The following FBXO34 variants were observed in gnomAD, a reference collection of about 807,000 sequenced individuals.
The protein encoded by FBXO34 is F-box only protein 34.
Under a neutral mutation model 24.5 loss-of-function variants are expected in FBXO34, and 12 were observed. That is an observed-to-expected ratio of 0.49 (90% CI 0.31 to 0.79). The LOEUF (loss-of-function observed/expected upper bound fraction) is 0.79, where lower values mean the gene tolerates loss of function less well. Ranked by LOEUF, FBXO34 falls within the 30% of genes least tolerant of loss-of-function variation. The pLI is 0.04. For synonymous variants in FBXO34, 320 were observed against 311.9 expected (o/e 1.03, Z -0.27); for missense variants, 823 against 857.7 (o/e 0.96, Z 0.51).
At chr14:55,419,270 G>T in the FBXO34 span, among the ~76,000 whole-genome samples, 1 of 152,218 alleles carries the variant, frequency 6.6e-6, no homozygotes, top group East Asian at 1.9e-4. Flanking sequence ...CCATTTTACA[G>T]GTGAGGAAAC....
At chr14:55,437,093 T>C in the FBXO34 span, 33 of 1,325,366 alleles carry the variant, frequency 2.5e-5, 1 homozygote, top group South Asian at 3.1e-4. Context: ...GATGTCACTA[T>C]GGCAGGCAGG....
intron 1 of FBXO34, chr14:55,271,977 C>T (rs911363107): frequency 2.6e-5 from 4 of 152,238 alleles, no homozygotes; most frequent in Non-Finnish European, 5.9e-5. Context: ...TTCCCTGCCC[C>T]AGCGCAGGTG....
chr14:55,289,644 T>G (rs1881876558), intron 1 of FBXO34, among the ~76,000 whole-genome samples: 1 of 152,152 alleles, frequency 6.6e-6, no homozygotes, highest in Non-Finnish European at 1.5e-5. Flanking sequence ...CAAGAAATCC[T>G]CCCACCTCAG....
Position 55,337,604 on chromosome 14 carries a change from A to G in FBXO34, c.-10-12777A>G, listed in dbSNP as rs192190600. 1.4e-4 allele frequency among the ~76,000 whole-genome samples: 21 copies of G among 152,398 alleles called. No homozygotes were observed. The East Asian group carries it at 3.7e-3, about 27-fold the overall frequency. On this transcript the variant is annotated intron_variant, in intron 1 of 1. Coordinates refer to ENST00000313833, the MANE Select transcript of FBXO34 (RefSeq NM_017943.4). ...TACAGATTTGGAAATGAAAAGACTAAGGAATTGATGCATCTCTCTCAAATG... is the reference window on the plus strand; with the variant it reads ...TACAGATTTGGAAATGAAAAGACTAGGGAATTGATGCATCTCTCTCAAATG...
At chr14:55,412,710 T>C in the FBXO34 span, among the ~76,000 whole-genome samples, 2 of 152,222 alleles carry the variant, frequency 1.3e-5, no homozygotes, top group South Asian at 2.1e-4. Flanking sequence ...GGCTATCTAC[T>C]GATAAACTGC....
intron 1 of FBXO34, among the ~76,000 whole-genome samples, chr14:55,313,870 T>C (rs866050196): frequency 6.6e-6 from 1 of 152,140 alleles, no homozygotes; most frequent in Admixed American, 6.5e-5. Context: ...GAGATTTGGC[T>C]GGGGACACAA....
intron 1 of FBXO34, among the ~76,000 whole-genome samples, chr14:55,348,501 C>T (rs1884233875): frequency 6.6e-6 from 1 of 152,088 alleles, no homozygotes; most frequent in Non-Finnish European, 1.5e-5. Context: ...TCGTTTGCTC[C>T]ACATTTACTG....
chr14:55,283,488 A>G (rs959805112), intron 1 of FBXO34, among the ~76,000 whole-genome samples: 7 of 141,934 alleles, frequency 4.9e-5, no homozygotes, highest in African/African-American at 1.9e-4. Flanking sequence ...TTTTTTTGAG[A>G]CAGTCTCACT....
intron 1 of FBXO34, among the ~76,000 whole-genome samples, chr14:55,326,270 C>A (rs989670271): frequency 6.6e-6 from 1 of 152,196 alleles, no homozygotes. Flanking sequence ...TCCCCTTTCT[C>A]CCCATTCACA....
chr14:55,342,907 G>T (rs1884037665), intron 1 of FBXO34, among the ~76,000 whole-genome samples: 1 of 152,074 alleles, frequency 6.6e-6, no homozygotes. Flanking sequence ...CCTTCATAGT[G>T]GGGAAAGTAT....
chr14:55,440,320 G>C, the FBXO34 span: 2 of 1,558,298 alleles, frequency 1.3e-6, no homozygotes, highest in East Asian at 4.5e-5. Flanking sequence ...GTTTTAAGAG[G>C]AACGAAGGCA....
downstream of FBXO34, chr14:55,369,723 TGCTCTGACTCTGGGA>T: frequency 6.2e-7 from 1 of 1,612,668 alleles, no homozygotes; most frequent in Non-Finnish European, 8.5e-7. Context: ...GACGCCTGGG[TGCTCTGACTCTGGGA>T]GACTTCCACA....
In FBXO34 at chr14:55,311,555, G is replaced by A. The variant is rs187417751; in HGVS notation, c.-10-38826G>A. 5.9e-4 allele frequency among the ~76,000 whole-genome samples: 90 copies of A among 152,210 alleles called. 2 individuals carry two copies. In the East Asian group the frequency reaches 0.015, roughly 26 times the overall value. On this transcript the variant is annotated intron_variant, in intron 1 of 1. Coordinates refer to ENST00000313833, the MANE Select transcript of FBXO34 (RefSeq NM_017943.4). Reference sequence around the variant, plus strand: ...AGATGAGGCAAGTCCCTTCCACCTAGCAGCCTGTAAAATCAAAAGCAAGTT... The same window carrying A: ...AGATGAGGCAAGTCCCTTCCACCTAACAGCCTGTAAAATCAAAAGCAAGTT...
chr14:55,371,294 A>C (rs1210343085), downstream of FBXO34, among the ~76,000 whole-genome samples: 1 of 152,200 alleles, frequency 6.6e-6, no homozygotes, highest in African/African-American at 2.4e-5. Flanking sequence ...AATGGCTAGC[A>C]CTGGCTTCCA....
chr14:55,338,869 G>A (rs1883885817), intron 1 of FBXO34, among the ~76,000 whole-genome samples: 2 of 150,406 alleles, frequency 1.3e-5, no homozygotes, highest in South Asian at 4.2e-4. Context: ...TTGCGCCACT[G>A]CACTCCAGCC....
the FBXO34 span, among the ~76,000 whole-genome samples, chr14:55,394,595 A>C: frequency 6.6e-6 from 1 of 152,192 alleles, no homozygotes; most frequent in Non-Finnish European, 1.5e-5. Context: ...AATCTTTCAC[A>C]GCACTGTATC....
chr14:55,341,639 C>T (rs547298269), intron 1 of FBXO34, among the ~76,000 whole-genome samples: 1 of 152,114 alleles, frequency 6.6e-6, no homozygotes, highest in Non-Finnish European at 1.5e-5. Context: ...ATGTATTTTT[C>T]AAAATGTATT....
rs1004899412 is a variant in FBXO34 at position 55,336,417 on chromosome 14, G to A, written c.-10-13964G>A. ...CAGATCAGTCCCTGCAGAGCTGCCTGGCCCAGGGAACCACTGAATTCCAGT... is the reference window on the plus strand; with the variant it reads ...CAGATCAGTCCCTGCAGAGCTGCCTAGCCCAGGGAACCACTGAATTCCAGT... On this transcript the variant is annotated intron_variant, in intron 1 of 1. Transcript: ENST00000313833. Among the ~76,000 whole-genome samples the A allele has an allele frequency of 1.7e-4, 26 of 152,174 alleles. 2 individuals carry two copies. The highest frequency in any genetic ancestry group is 1.4e-3 in the Admixed American group (22 of 15,278).
At chr14:55,298,523 C>T in intron 1 of FBXO34, 1 of 609,606 alleles carries the variant, frequency 1.6e-6, no homozygotes, top group South Asian at 2.0e-5. Context: ...TATCCTACCC[C>T]TACATTTGAC....
Sources: gnomAD v4.1 joint callset for allele counts (sites outside exome capture counted in the v4.1 genomes callset) on GRCh38, gnomAD v4.1.1 for gene constraint, MANE v1.5 for transcripts, NCBI Gene and HGNC (gene_info 2026-07-23, HGNC 2026-07-21) for gene names.